The following PLXNA2 variants were observed in gnomAD, a reference collection of about 807,000 sequenced individuals.
PLXNA2 encodes plexin-A2.
Under a neutral mutation model 193.5 loss-of-function variants are expected in PLXNA2, and 91 were observed. The observed-to-expected ratio is 0.47, with a 90% CI of 0.40 to 0.56. The LOEUF is 0.56. Among genes scored for constraint, PLXNA2 ranks in the 20% least tolerant of loss-of-function variants. PLXNA2 has a pLI of 0.00. For missense variants in PLXNA2, 1,995 were observed against 2,503.2 expected (o/e 0.80, Z 4.33); for synonymous variants, 997 against 1,027.3 (o/e 0.97, Z 0.56).
At chr1:208,211,324 T>G (rs1222597465) in intron 2 of PLXNA2, among the ~76,000 whole-genome samples, 1 of 151,422 alleles carries the variant, frequency 6.6e-6, no homozygotes, top group Non-Finnish European at 1.5e-5. Flanking sequence ...TTAAGGAGAG[T>G]GGTGGTGTGG....
chr1:208,137,152 C>T (rs1668326852), intron 4 of PLXNA2, among the ~76,000 whole-genome samples: 1 of 152,214 alleles, frequency 6.6e-6, no homozygotes, highest in South Asian at 2.1e-4. Flanking sequence ...CCAGCACCCA[C>T]TCCAAACACA....
rs747348815 is a variant in PLXNA2, at chr1:208,051,042, G to A, written c.3222C>T (p.Ile1074=). 2 of 1,614,068 alleles carry A rather than the reference G, an allele frequency of 1.2e-6. No homozygotes were observed. Among genetic ancestry groups the A allele is most frequent in the Admixed American group, 3.3e-5 (2 of 60,020 alleles). Reference sequence around the variant, plus strand: ...ATTCTTTGCCATTGAATTTGACTCGGATCCTTGGCTCCTGAATGACATCCA... The same window carrying A: ...ATTCTTTGCCATTGAATTTGACTCGAATCCTTGGCTCCTGAATGACATCCA... ...FNLDVIQEPR[I]RVKFNGKESV... The change falls in exon 17 of 32, where the codon ATC becomes ATT. Residue 1074 remains isoleucine (I), a synonymous_variant. Coordinates refer to ENST00000367033, the MANE Select transcript of PLXNA2 (RefSeq NM_025179.4).
At chr1:208,111,088 T>A (rs1387941539) in intron 4 of PLXNA2, among the ~76,000 whole-genome samples, 1 of 152,012 alleles carries the variant, frequency 6.6e-6, no homozygotes, top group Admixed American at 6.6e-5. Context: ...TCTTGTTCTG[T>A]CACCCAGGCA....
intron 6 of PLXNA2, among the ~76,000 whole-genome samples, chr1:208,097,496 G>T (rs1293527731): frequency 6.6e-6 from 1 of 152,158 alleles, no homozygotes; most frequent in African/African-American, 2.4e-5. Flanking sequence ...AGGAGCTCAG[G>T]GGATCAGAGA....
At chr1:208,035,866 A>G (rs1446849374) in intron 26 of PLXNA2, among the ~76,000 whole-genome samples, 1 of 152,218 alleles carries the variant, frequency 6.6e-6, no homozygotes, top group Non-Finnish European at 1.5e-5. Flanking sequence ...AGATTCCCTG[A>G]TAGCAGGTTT....
intron 4 of PLXNA2, among the ~76,000 whole-genome samples, chr1:208,127,774 G>A (rs917511555): frequency 5.9e-5 from 9 of 152,224 alleles, no homozygotes; most frequent in South Asian, 2.1e-4. Flanking sequence ...GCAGCCACTC[G>A]CTAGCCTCAA....
intron 9 of PLXNA2, 42 bp from the exon 10 acceptor site, chr1:208,084,622 T>C: frequency 4.4e-6 from 7 of 1,587,762 alleles, no homozygotes; most frequent in Non-Finnish European, 6.0e-6. Context: ...CCCCTGTTCA[T>C]GCTGTCCTAT....
intron 3 of PLXNA2, among the ~76,000 whole-genome samples, chr1:208,203,331 G>A (rs1435168985): frequency 6.6e-6 from 1 of 152,154 alleles, no homozygotes; most frequent in Non-Finnish European, 1.5e-5. Context: ...CTGGGGAAGG[G>A]GAGAGGGTCT....
chr1:208,185,854 G>A (rs1357373790), intron 3 of PLXNA2, among the ~76,000 whole-genome samples: 1 of 152,112 alleles, frequency 6.6e-6, no homozygotes, highest in Non-Finnish European at 1.5e-5. Flanking sequence ...GGTGTGGCAA[G>A]GAAGAGGTGC....
intron 3 of PLXNA2, among the ~76,000 whole-genome samples, chr1:208,167,265 A>G (rs1669338875): frequency 6.6e-6 from 1 of 152,186 alleles, no homozygotes; most frequent in Non-Finnish European, 1.5e-5. Flanking sequence ...GGAGAAAAGA[A>G]CACCAGGAAA....
chr1:208,168,951 A>G (rs573198104), intron 3 of PLXNA2, among the ~76,000 whole-genome samples: 1 of 151,422 alleles, frequency 6.6e-6, no homozygotes, highest in African/African-American at 2.4e-5. Flanking sequence ...CGGACTCTCA[A>G]CTCCACCCCC....
intron 3 of PLXNA2, among the ~76,000 whole-genome samples, chr1:208,207,598 C>T (rs987776957): frequency 6.6e-5 from 10 of 152,300 alleles, no homozygotes; most frequent in East Asian, 3.9e-4. Flanking sequence ...CTGACGCACC[C>T]GGCTTCCCTT....
At position 208,132,952 on chromosome 1, in the gene PLXNA2, G is replaced by T. The variant is rs189509618; in HGVS notation, c.1506+9377C>A. ...CAGTAGAGCCAGGGCTTGAACCCAG[G>T]CTGGCTGCTCCCCATGGCTGTCAGG... On this transcript the variant is annotated intron_variant, in intron 4 of 31. Coordinates refer to ENST00000367033, the MANE Select transcript of PLXNA2 (RefSeq NM_025179.4). Among the ~76,000 whole-genome samples the T allele has an allele frequency of 3.3e-5, 5 of 152,304 alleles. No homozygotes were observed. The East Asian group carries it at 9.7e-4, about 29-fold the overall frequency.
chr1:208,130,287 A>G (rs1668106417), intron 4 of PLXNA2, among the ~76,000 whole-genome samples: 1 of 152,218 alleles, frequency 6.6e-6, no homozygotes, highest in African/African-American at 2.4e-5. Flanking sequence ...GGCTCTAAAA[A>G]CAGTGTAAAG....
intron 3 of PLXNA2, among the ~76,000 whole-genome samples, chr1:208,177,732 G>A (rs4406634): frequency 0.36 from 55,026 of 152,180 alleles, 10,144 homozygotes; most frequent in Middle Eastern, 0.41. Flanking sequence ...GTTCTCAACC[G>A]TGGTCCCCAG....
At position 208,243,758 on chromosome 1, in the gene PLXNA2, A is replaced by T. The variant is rs1178693107; in HGVS notation, c.-196T>A. 2 of 152,210 alleles carry T rather than the reference A, an allele frequency of 1.3e-5. No individual in the cohort carries two copies. Among genetic ancestry groups the T allele is most frequent in the African/African-American group, 4.8e-5 (2 of 41,442 alleles). 9.4% of individuals were successfully genotyped at this position (152,210 alleles called of 1,614,324 possible). A position where few individuals can be genotyped will look rare whatever the true frequency, so the allele number is the denominator to read the frequency against. ...CTGCCCGCAGCTCGGAATCAGGGAGACGACCAAATCCACATGGAGTCCAAA... is the reference window on the plus strand; with the variant it reads ...CTGCCCGCAGCTCGGAATCAGGGAGTCGACCAAATCCACATGGAGTCCAAA... On this transcript the variant is annotated 5_prime_UTR_variant, in exon 1 of 32. Transcript: ENST00000367033.
At chr1:208,058,930 C>T (rs1217776368) in intron 13 of PLXNA2, among the ~76,000 whole-genome samples, 3 of 152,214 alleles carry the variant, frequency 2.0e-5, no homozygotes, top group South Asian at 2.1e-4. Context: ...GTCTAAAACA[C>T]GGTTTCATTC....
In PLXNA2 at chr1:208,223,582, C is replaced by G. The variant is rs531168514; in HGVS notation, c.-80-5580G>C. ...ACACATGTCCGAATGGCTCCTTTCCCCCTTGGGGAGAATGATTGCTTCTGT... is the reference window on the plus strand; with the variant it reads ...ACACATGTCCGAATGGCTCCTTTCCGCCTTGGGGAGAATGATTGCTTCTGT... On this transcript the variant is annotated intron_variant, in intron 1 of 31. Coordinates refer to ENST00000367033, the MANE Select transcript of PLXNA2 (RefSeq NM_025179.4). 7.9e-4 allele frequency among the ~76,000 whole-genome samples: 121 copies of G among 152,304 alleles called. 3 individuals are homozygous for G. In the South Asian group the frequency reaches 0.024, roughly 30 times the overall value.
At position 208,028,170 on chromosome 1, in the gene PLXNA2, C is replaced by T. The variant is rs1308546624; in HGVS notation, c.5439-11G>A. Reference sequence around the variant, plus strand: ...ATGTCTGCGTAGTATCTGCCAGAGACAGGATAGGCGCCTTGGTGGAGGCCT... The same window carrying T: ...ATGTCTGCGTAGTATCTGCCAGAGATAGGATAGGCGCCTTGGTGGAGGCCT... On this transcript the variant is annotated splice_polypyrimidine_tract_variant and intron_variant, in intron 30 of 31. Transcript: ENST00000367033. This position sits in a 1 kb window ranked among gnomAD's most constrained non-coding sequence, Gnocchi z 4.2. 1.2e-6 allele frequency: 2 copies of T among 1,602,944 alleles called. No homozygotes were observed. The highest frequency in any genetic ancestry group is 2.7e-5 in the African/African-American group (2 of 74,554).
Sources: gnomAD v4.1 joint callset for allele counts (sites outside exome capture counted in the v4.1 genomes callset) on GRCh38, gnomAD v4.1.1 for gene constraint, Gnocchi (gnomAD v3.1) non-coding constraint, MANE v1.5 for transcripts, NCBI Gene and HGNC (gene_info 2026-07-23, HGNC 2026-07-21) for gene names.